The following TNRC6A variants were observed in gnomAD, a reference collection of about 807,000 sequenced individuals.
TNRC6A encodes the protein trinucleotide repeat-containing gene 6A protein.
TNRC6A carries 44 observed loss-of-function variants against 221.2 expected under a neutral mutation model. The observed-to-expected ratio is 0.20, with a 90% CI of 0.16 to 0.26. The LOEUF (loss-of-function observed/expected upper bound fraction) is 0.26. TNRC6A is among the 10% of genes least tolerant of loss of function. The pLI is 1.00. For missense variants in TNRC6A, 2,199 were observed against 2,404.4 expected, an observed-to-expected ratio of 0.91 and a Z score of 1.79; for synonymous variants, 847 against 838.5, an observed-to-expected ratio of 1.01 and a Z score of -0.18.
At chr16:24,815,038 C>T (rs950912734) in intron 18 of TNRC6A, 109 bp from the exon 19 acceptor site, 2 of 1,258,134 alleles carry the variant, frequency 1.6e-6, no homozygotes, top group Admixed American at 4.5e-5. Flanking sequence ...AGAACACAGC[C>T]TAGAGCCCAC....
chr16:24,673,710 G>C (rs1362387924), intron 2 of TNRC6A, among the ~76,000 whole-genome samples: 1 of 152,106 alleles, frequency 6.6e-6, no homozygotes, highest in Non-Finnish European at 1.5e-5. Context: ...ACAGGCCTAC[G>C]CCACTGTGCC....
intron 4 of TNRC6A, among the ~76,000 whole-genome samples, chr16:24,768,075 C>T (rs2057510880): frequency 6.6e-6 from 1 of 152,064 alleles, no homozygotes; most frequent in South Asian, 2.1e-4. Flanking sequence ...TTGAAGAGAG[C>T]CATTCTGTAC....
intron 2 of TNRC6A, among the ~76,000 whole-genome samples, chr16:24,704,418 G>A (rs1450730203): frequency 1.3e-5 from 2 of 151,902 alleles, no homozygotes; most frequent in South Asian, 2.1e-4. Context: ...GGTGGCTCAC[G>A]CCTGTAATCC....
chr16:24,640,336 G>T (rs182205727), intron 1 of TNRC6A, among the ~76,000 whole-genome samples: 1 of 151,816 alleles, frequency 6.6e-6, no homozygotes. Context: ...GGAGGCCAAG[G>T]CTGCAGTGGG....
rs191585428 is a variant in TNRC6A at position 24,794,869 on chromosome 16, C to T, written c.3528+150C>T. ...TATAGCCACTTGTATGGGCAGCCAC[C>T]TAGAGAAACATAAGAAAGACCACAG... On this transcript the variant is annotated intron_variant, in intron 8 of 24. Transcript: ENST00000395799. 4 of 594,150 alleles carry T rather than the reference C, an allele frequency of 6.7e-6. No individual in the cohort carries two copies. In the African/African-American group the frequency reaches 7.6e-5, roughly 11 times the overall value. 36.8% of individuals were successfully genotyped at this position (594,150 alleles called of 1,614,324 possible). A position where few individuals can be genotyped will look rare whatever the true frequency, so the allele number is the denominator to read the frequency against.
intron 2 of TNRC6A, among the ~76,000 whole-genome samples, chr16:24,708,480 A>G (rs1053779448): frequency 1.3e-5 from 2 of 151,908 alleles, no homozygotes; most frequent in Non-Finnish European, 2.9e-5. Flanking sequence ...TGACTTGGTG[A>G]TCCGCCAGTC....
chr16:24,650,616 GATT>G (rs1902588061), intron 2 of TNRC6A, among the ~76,000 whole-genome samples: 1 of 151,160 alleles, frequency 6.6e-6, no homozygotes, highest in African/African-American at 2.4e-5. Context: ...AGTGAGCCAA[GATT>G]ATGCCACTAT....
Position 24,805,082 on chromosome 16 carries a change from A to T in TNRC6A, c.4053A>T (p.Pro1351=). 3 of 1,614,236 alleles carry T rather than the reference A, an allele frequency of 1.9e-6. No individual in the cohort carries two copies. The highest frequency in any genetic ancestry group is 2.5e-6 in the Non-Finnish European group (3 of 1,180,042). The change falls in exon 14 of 25, where the codon CCA becomes CCT. Residue 1351 remains proline, a synonymous_variant. Transcript: ENST00000395799. Reference sequence around the variant, plus strand: ...AACCCCGGGGCATGCAGCAGCCTCCAGCACAACCTCTTAGTTCATCTCAGC... The same window carrying T: ...AACCCCGGGGCATGCAGCAGCCTCCTGCACAACCTCTTAGTTCATCTCAGC... ...AAQPRGMQQP[P]AQPLSSSQPN... is the part of the protein sequence containing the mutation.
chr16:24,648,512 C>T (rs898324414), intron 2 of TNRC6A, among the ~76,000 whole-genome samples: 20 of 152,060 alleles, frequency 1.3e-4, no homozygotes, highest in Non-Finnish European at 2.6e-4. Context: ...CCTCATGATT[C>T]ACCCGCCTTG....
chr16:24,736,296 A>G (rs918658649), intron 2 of TNRC6A, among the ~76,000 whole-genome samples: 5 of 152,222 alleles, frequency 3.3e-5, no homozygotes, highest in African/African-American at 9.7e-5. Context: ...GTGACATTGC[A>G]CACCAAAGTA....
In TNRC6A at chr16:24,793,735, A is replaced by G. The variant is rs192579730; in HGVS notation, c.3352+86A>G. 9.0e-5 allele frequency: 100 copies of G among 1,110,206 alleles called. No homozygotes were observed. The South Asian group carries it at 2.4e-3, about 26-fold the overall frequency. The allele number at this position is 1,110,206 out of a possible 1,614,324, so 68.8% of individuals were successfully genotyped here. ...AATTAAATAATTAGATAAGGTTTCT[A>G]TGTTATTTATAATATATTCATATAA... On this transcript the variant is annotated intron_variant, in intron 7 of 24. Coordinates refer to ENST00000395799, the MANE Select transcript of TNRC6A (RefSeq NM_014494.4).
rs767244646 is a variant in TNRC6A at position 24,768,419 on chromosome 16, C to T, written c.164-8514C>T. On this transcript the variant is annotated intron_variant, in intron 4 of 24. Transcript: ENST00000395799. ...CTGCACTCTAGCCTGGGGGACAGAG[C>T]GAGACTCTGTCTCAAAAAAAAAAAA... is the stretch of plus-strand genomic sequence containing the variant. Among the ~76,000 whole-genome samples, 22 of 119,184 alleles carry T rather than the reference C, an allele frequency of 1.8e-4. 1 individual carries two copies. Among genetic ancestry groups the T allele is most frequent in the Non-Finnish European group, 2.2e-4 (14 of 62,364 alleles). 78.2% of individuals were successfully genotyped at this position (119,184 alleles called of 152,430 possible). A position where few individuals can be genotyped will look rare whatever the true frequency, so the allele number is the denominator to read the frequency against.
At chr16:24,793,860 G>A (rs1478670590) in intron 7 of TNRC6A, among the ~76,000 whole-genome samples, 1 of 152,016 alleles carries the variant, frequency 6.6e-6, no homozygotes, top group African/African-American at 2.4e-5. Flanking sequence ...TCTTAGAACT[G>A]TAACTATTCA....
chr16:24,685,004 A>C (rs2055599034), intron 2 of TNRC6A, among the ~76,000 whole-genome samples: 1 of 152,098 alleles, frequency 6.6e-6, no homozygotes, highest in Non-Finnish European at 1.5e-5. Context: ...ACTTGCCTCC[A>C]TGCTCTTGGG....
rs2058841511 is a variant in TNRC6A at position 24,824,960 on chromosome 16, G to T, written c.*1153G>T. The stretch of plus-strand genomic sequence containing the variant: ...TGCTGTCTTTTTATTAGTGAGTGAT[G>T]ATGGTTTGCTAATAATCAATAGGTA... On this transcript the variant is annotated 3_prime_UTR_variant, in exon 25 of 25. Transcript: ENST00000395799. The T allele has an allele frequency of 6.6e-6, 1 of 152,582 alleles. No homozygotes were observed. Among genetic ancestry groups the T allele is most frequent in the Admixed American group, 6.5e-5 (1 of 15,274 alleles). The allele number at this position is 152,582 out of a possible 1,614,324, so 9.5% of individuals were successfully genotyped here. A position where few individuals can be genotyped will look rare whatever the true frequency, so the allele number is the denominator to read the frequency against.
chr16:24,766,903 C>T (rs1387722157), intron 4 of TNRC6A, among the ~76,000 whole-genome samples: 1 of 152,120 alleles, frequency 6.6e-6, no homozygotes, highest in Non-Finnish European at 1.5e-5. Context: ...TGTCGAACTC[C>T]TGACCTCAAG....
intron 5 of TNRC6A, 112 bp downstream of exon 5, chr16:24,777,470 T>G: frequency 9.4e-7 from 1 of 1,062,580 alleles, no homozygotes; most frequent in Non-Finnish European, 1.4e-6. Context: ...GTATGTGGGC[T>G]TTAATGTAAG....
chr16:24,765,622 G>A (rs1006156993), intron 4 of TNRC6A, among the ~76,000 whole-genome samples: 6 of 152,060 alleles, frequency 3.9e-5, no homozygotes, highest in African/African-American at 1.4e-4. Context: ...AGAAGCATAG[G>A]TTCATACCGG....
At chr16:24,700,986 C>T (rs533118738) in intron 2 of TNRC6A, among the ~76,000 whole-genome samples, 2 of 152,144 alleles carry the variant, frequency 1.3e-5, no homozygotes, top group South Asian at 4.1e-4. Context: ...TCTGGTCATC[C>T]CAGGCTGAAT....
Sources: allele counts gnomAD v4.1 joint callset (sites outside exome capture counted in the v4.1 genomes callset), GRCh38; gene constraint gnomAD v4.1.1; transcripts MANE v1.5; gene names NCBI Gene and HGNC (gene_info 2026-07-23, HGNC 2026-07-21).